Variants in GABRG3 observed in about 807,000 individuals in gnomAD.
The protein encoded by GABRG3 is gamma-aminobutyric acid type A receptor subunit gamma3.
GABRG3 carries 25 observed loss-of-function variants against 48.8 expected under a neutral mutation model. The ratio of observed to expected loss-of-function variants is 0.51; its 90% confidence interval spans 0.37 to 0.72. GABRG3 has a LOEUF of 0.72. GABRG3 is among the 30% of genes least tolerant of loss of function. The pLI, the probability that GABRG3 is intolerant of heterozygous loss-of-function variation, is 0.00. For missense variants in GABRG3, 394 were observed against 577.9 expected, an observed-to-expected ratio of 0.68 and a Z score of 3.26; for synonymous variants, 227 against 217.6, an observed-to-expected ratio of 1.04 and a Z score of -0.38.
intron 5 of GABRG3, among the ~76,000 whole-genome samples, chr15:27,451,761 G>A (rs1447665459): frequency 1.3e-5 from 2 of 152,116 alleles, no homozygotes; most frequent in Non-Finnish European, 2.9e-5. Context: ...TATGGATTGG[G>A]GGAAAATATC....
At chr15:27,076,786 G>T (rs192772443) in intron 3 of GABRG3, among the ~76,000 whole-genome samples, 1 of 152,158 alleles carries the variant, frequency 6.6e-6, no homozygotes, top group East Asian at 1.9e-4. Flanking sequence ...ATCAGAAGCC[G>T]GAAGAATGGG....
intron 2 of GABRG3, among the ~76,000 whole-genome samples, chr15:27,002,685 G>A (rs1259068884): frequency 7.1e-6 from 1 of 141,378 alleles, no homozygotes; most frequent in Non-Finnish European, 1.5e-5. Context: ...AGGGCAGTAG[G>A]ATTGCTTAAG....
intron 2 of GABRG3, among the ~76,000 whole-genome samples, chr15:27,003,828 C>A (rs573764081): frequency 7.0e-6 from 1 of 143,180 alleles, no homozygotes; most frequent in Non-Finnish European, 1.5e-5. Flanking sequence ...ACCTCCAGGA[C>A]GGGGTGGCTG....
At chr15:27,109,861 G>A (rs1465660662) in intron 3 of GABRG3, among the ~76,000 whole-genome samples, 1 of 152,216 alleles carries the variant, frequency 6.6e-6, no homozygotes, top group Admixed American at 6.5e-5. Context: ...TAGCCTGGGC[G>A]ACAGAGCGAG....
chr15:27,213,045 T>G (rs1175558633), intron 3 of GABRG3, among the ~76,000 whole-genome samples: 1 of 152,204 alleles, frequency 6.6e-6, no homozygotes, highest in Non-Finnish European at 1.5e-5. Context: ...GTACACTCTC[T>G]TTACTTCAGT....
At chr15:27,368,080 G>A (rs560812568) in intron 5 of GABRG3, among the ~76,000 whole-genome samples, 3 of 152,338 alleles carry the variant, frequency 2.0e-5, no homozygotes, top group Admixed American at 6.5e-5. Flanking sequence ...GGACGGGAAA[G>A]CACTGCTGGG....
At chr15:27,066,414 CCTG>C (rs2140729052) in intron 3 of GABRG3, among the ~76,000 whole-genome samples, 1 of 152,228 alleles carries the variant, frequency 6.6e-6, no homozygotes, top group South Asian at 2.1e-4. Flanking sequence ...CTGGTCCAAA[CCTG>C]AGACAAGAAA....
chr15:27,298,982 C>T (rs1011143354), intron 3 of GABRG3, among the ~76,000 whole-genome samples: 1 of 152,134 alleles, frequency 6.6e-6, no homozygotes, highest in Non-Finnish European at 1.5e-5. Context: ...TTTTATCTCC[C>T]ATTGTGTAAG....
chr15:27,210,627 A>T (rs1889047987), intron 3 of GABRG3, among the ~76,000 whole-genome samples: 1 of 152,230 alleles, frequency 6.6e-6, no homozygotes. Context: ...CTCAGAGTGC[A>T]TGCAGACAGC....
intron 5 of GABRG3, among the ~76,000 whole-genome samples, chr15:27,473,275 C>T (rs1889839256): frequency 6.6e-6 from 1 of 152,088 alleles, no homozygotes; most frequent in South Asian, 2.1e-4. Context: ...TTTTGCAGCC[C>T]TTATATGTTT....
chr15:27,090,448 T>C (rs894460995), intron 3 of GABRG3, among the ~76,000 whole-genome samples: 4 of 152,200 alleles, frequency 2.6e-5, no homozygotes, highest in African/African-American at 9.6e-5. Flanking sequence ...GTTTAACTGA[T>C]TGAGAAACTG....
At chr15:27,436,330 C>T (rs991726584) in intron 5 of GABRG3, among the ~76,000 whole-genome samples, 6 of 152,184 alleles carry the variant, frequency 3.9e-5, no homozygotes, top group Non-Finnish European at 8.8e-5. Flanking sequence ...ACTTTGTCAC[C>T]TCCCAAAGGT....
At chr15:26,979,514 C>A (rs1895014295) in intron 2 of GABRG3, among the ~76,000 whole-genome samples, 4 of 151,944 alleles carry the variant, frequency 2.6e-5, no homozygotes, top group Admixed American at 1.3e-4. Context: ...TGAGAAAGTT[C>A]TCTCTATTCC....
intron 5 of GABRG3, among the ~76,000 whole-genome samples, chr15:27,393,370 A>T (rs1418556187): frequency 6.6e-6 from 1 of 151,882 alleles, no homozygotes; most frequent in Admixed American, 6.6e-5. Flanking sequence ...AAAGAAAAGA[A>T]AAGAAAAGAA....
intron 3 of GABRG3, among the ~76,000 whole-genome samples, chr15:27,129,178 A>G (rs1392730087): frequency 6.6e-6 from 1 of 152,144 alleles, no homozygotes; most frequent in Non-Finnish European, 1.5e-5. Context: ...ATCTTCTAAA[A>G]CTGAAATTTT....
intron 3 of GABRG3, among the ~76,000 whole-genome samples, chr15:27,124,429 A>G (rs564272255): frequency 2.6e-5 from 4 of 151,994 alleles, no homozygotes; most frequent in Non-Finnish European, 4.4e-5. Flanking sequence ...TGACCAAACC[A>G]CCTCTCCTCC....
intron 5 of GABRG3, among the ~76,000 whole-genome samples, chr15:27,433,771 C>T (rs1417146929): frequency 6.6e-6 from 1 of 152,152 alleles, no homozygotes; most frequent in Non-Finnish European, 1.5e-5. Flanking sequence ...TGTGGAAATC[C>T]TCACAGGCCA....
rs1329279067 is a variant in GABRG3 at position 27,236,127 on chromosome 15, C to G, written c.271-90682C>G. 6.6e-6 allele frequency among the ~76,000 whole-genome samples: 1 copy of G among 152,148 alleles called. No individual in the cohort carries two copies. Among genetic ancestry groups the G allele is most frequent in the Non-Finnish European group, 1.5e-5 (1 of 68,030 alleles). ...ATTTTTGGCTGGTGTGTCCTGAGCC[C>G]CATCAGATCCATGGTACAGACCCAG... On this transcript the variant is annotated intron_variant, in intron 3 of 9. Transcript: ENST00000615808. The surrounding 1 kb of genome is among the most constrained non-coding windows in gnomAD (Gnocchi z 4.4).
At chr15:27,394,809 A>G (rs1887251088) in intron 5 of GABRG3, among the ~76,000 whole-genome samples, 1 of 152,178 alleles carries the variant, frequency 6.6e-6, no homozygotes, top group Admixed American at 6.5e-5. Flanking sequence ...TTTCATGACA[A>G]GTCAGCTTTT....
Sources: gnomAD v4.1 joint callset for allele counts (sites outside exome capture counted in the v4.1 genomes callset) on GRCh38, gnomAD v4.1.1 for gene constraint, Gnocchi (gnomAD v3.1) non-coding constraint, MANE v1.5 for transcripts, NCBI Gene and HGNC (gene_info 2026-07-23, HGNC 2026-07-21) for gene names.